DNAH12: variants seen among roughly 807,000 people sequenced by gnomAD.
DNAH12 encodes dynein axonemal heavy chain 12.
A neutral mutation model predicts 371.5 loss-of-function variants in DNAH12; 285 were observed. That is an observed-to-expected ratio of 0.77 (90% CI 0.70 to 0.85). The LOEUF (loss-of-function observed/expected upper bound fraction) is 0.85. Among genes scored for constraint, DNAH12 ranks in the 40% least tolerant of loss-of-function variants. The pLI is 0.00. For missense variants in DNAH12, 3,611 were observed against 3,689.4 expected (o/e 0.98, Z 0.55); for synonymous variants, 1,200 against 1,213.0 (o/e 0.99, Z 0.22).
chr3:57,453,412 TAAAAAA>T lies in DNAH12; in HGVS notation c.3457-15_3457-10del. ...TAATACTTCTTTAATCCCTACAAAATAAAAAAAAAAGCAATCTAATTGATGTCACAT... is the reference window on the plus strand; with the variant it reads ...TAATACTTCTTTAATCCCTACAAAATAAAAGCAATCTAATTGATGTCACAT... On this transcript the variant is annotated splice_polypyrimidine_tract_variant and intron_variant, in intron 23 of 73. Transcript: ENST00000495027. 1 of 1,371,402 alleles carries T rather than the reference TAAAAAA, an allele frequency of 7.3e-7. No individual in the cohort carries two copies. The allele number at this position is 1,371,402 out of a possible 1,614,324, so 85.0% of individuals were successfully genotyped here. A position where few individuals can be genotyped will look rare whatever the true frequency, so the allele number is the denominator to read the frequency against.
At chr3:57,416,476 T>A (rs1374646408) in intron 37 of DNAH12, among the ~76,000 whole-genome samples, 1 of 152,196 alleles carries the variant, frequency 6.6e-6, no homozygotes, top group African/African-American at 2.4e-5. Context: ...CAAGTAATAA[T>A]ATGCTTAACT....
rs1157617974 is a variant in DNAH12, at chr3:57,542,845, A to G, written c.26T>C (p.Ile9Thr). ...GTTCAGAGCTTCCTTTTCTGCTGCA[A>G]TGGCAGCTTTGTTTGCATCTGACAT... MSDANKAA[I>T]AAEKEALNLK... The change falls in exon 2 of 74, where the codon ATT becomes ACT. Residue 9 changes from isoleucine to threonine, a missense_variant. Ile to Thr is a moderately conservative substitution (Grantham distance 89). Coordinates refer to ENST00000495027, the MANE Select transcript of DNAH12 (RefSeq NM_001366028.2). 7 of 1,597,592 alleles carry G rather than the reference A, an allele frequency of 4.4e-6. No homozygotes were observed. Among genetic ancestry groups the G allele is most frequent in the Non-Finnish European group, 6.0e-6 (7 of 1,175,028 alleles).
intron 69 of DNAH12, among the ~76,000 whole-genome samples, chr3:57,302,741 A>G (rs1463464094): frequency 6.7e-6 from 1 of 149,232 alleles, no homozygotes; most frequent in African/African-American, 2.5e-5. Flanking sequence ...ACACCCAGCT[A>G]ATTTCTGTAT....
intron 5 of DNAH12, among the ~76,000 whole-genome samples, chr3:57,510,083 AT>A (rs1053451621): frequency 6.6e-6 from 1 of 151,980 alleles, no homozygotes; most frequent in Non-Finnish European, 1.5e-5. Flanking sequence ...ATTATATACA[AT>A]TTTTATTTGT....
chr3:57,322,264 C>A, intron 65 of DNAH12, 79 bp downstream of exon 65: 4 of 1,347,010 alleles, frequency 3.0e-6, no homozygotes, highest in East Asian at 2.7e-5. Context: ...GTTACAAAAG[C>A]ATTATTAAAC....
rs188715167 is a variant in DNAH12 at position 57,432,472 on chromosome 3, G to A, written c.4980+895C>T. On this transcript the variant is annotated intron_variant, in intron 32 of 73. Transcript: ENST00000495027. ...TGGGATAACAGGCGTGAGCCACCGC[G>A]CCCGGCCTTGAGTGTATCTTTAAAT... 3.1e-3 allele frequency among the ~76,000 whole-genome samples: 466 copies of A among 151,396 alleles called. 14 individuals carry two copies. Among genetic ancestry groups the A allele is most frequent in the Admixed American group, 0.029 (437 of 15,144 alleles).
chr3:57,326,869 G>A (rs375255058), intron 62 of DNAH12, among the ~76,000 whole-genome samples: 2 of 151,818 alleles, frequency 1.3e-5, no homozygotes, highest in Admixed American at 6.6e-5. Context: ...AGGAAGATCT[G>A]CCAAGCAAAT....
At chr3:57,540,842 A>T (rs1272653129) in intron 2 of DNAH12, among the ~76,000 whole-genome samples, 2 of 151,922 alleles carry the variant, frequency 1.3e-5, no homozygotes, top group Admixed American at 1.3e-4. Flanking sequence ...AGATGGGAGG[A>T]TCACGAGAGT....
chr3:57,358,602 G>A (rs2062851897), intron 58 of DNAH12, among the ~76,000 whole-genome samples: 1 of 152,018 alleles, frequency 6.6e-6, no homozygotes, highest in African/African-American at 2.4e-5. Flanking sequence ...AATAAGTTTG[G>A]AATCTCAGTC....
At chr3:57,434,455 A>G (rs2065057815) in intron 30 of DNAH12, among the ~76,000 whole-genome samples, 2 of 152,094 alleles carry the variant, frequency 1.3e-5, no homozygotes, top group South Asian at 4.1e-4. Context: ...CTGGTAACCT[A>G]CTATATATAA....
chr3:57,498,792 G>A (rs2067404058), intron 11 of DNAH12, among the ~76,000 whole-genome samples: 1 of 152,086 alleles, frequency 6.6e-6, no homozygotes, highest in African/African-American at 2.4e-5. Context: ...GAGGTCAGGA[G>A]GTCGAGACCA....
chr3:57,382,988 T>C (rs2063426833), intron 49 of DNAH12, among the ~76,000 whole-genome samples: 1 of 152,196 alleles, frequency 6.6e-6, no homozygotes, highest in African/African-American at 2.4e-5. Flanking sequence ...CCAGATCACT[T>C]GAGTGATACT....
intron 11 of DNAH12, 128 bp downstream of exon 11, chr3:57,501,193 C>T: frequency 2.9e-6 from 2 of 700,964 alleles, no homozygotes; most frequent in Non-Finnish European, 4.7e-6. Context: ...TAAGGTAAGA[C>T]AATGAGTTTT....
In DNAH12 at chr3:57,481,869, T is replaced by C. The variant is rs930073815; in HGVS notation, c.1650+1507A>G. Among the ~76,000 whole-genome samples, 30 of 152,074 alleles carry C rather than the reference T, an allele frequency of 2.0e-4. 1 individual carries two copies. Among genetic ancestry groups the C allele is most frequent in the Non-Finnish European group, 1.5e-5 (1 of 68,018 alleles). On this transcript the variant is annotated intron_variant, in intron 13 of 73. Transcript: ENST00000495027. ...GTGCTGGGAAAACTGGCTAGCCATA[T>C]GTAGCAAGCTGAAACTGGATCCCTT...
rs1175507001 is a variant in DNAH12, at chr3:57,433,837, G to A, written c.4656-9C>T. On this transcript the variant is annotated splice_polypyrimidine_tract_variant and intron_variant, in intron 30 of 73. Coordinates refer to ENST00000495027, the MANE Select transcript of DNAH12 (RefSeq NM_001366028.2). ...CTCCTACTAACATAAAACTATGAAG[G>A]AAAAGAAATAATTATACAATAAGAG... 1.3e-6 allele frequency: 2 copies of A among 1,511,344 alleles called. No individual in the cohort carries two copies. The highest frequency in any genetic ancestry group is 1.4e-5 in the African/African-American group (1 of 71,178). The allele number at this position is 1,511,344 out of a possible 1,614,324, so 93.6% of individuals were successfully genotyped here.
the DNAH12 span, among the ~76,000 whole-genome samples, chr3:57,550,365 T>A: frequency 6.6e-6 from 1 of 152,056 alleles, no homozygotes. Context: ...ATATTAATAA[T>A]AAAACCTTAT....
intron 50 of DNAH12, 30 bp from the exon 51 acceptor site, chr3:57,380,397 A>C (rs1439688310): frequency 3.3e-5 from 5 of 152,220 alleles, no homozygotes; most frequent in African/African-American, 1.2e-4. Flanking sequence ...AAATTTGTTA[A>C]ATTTGCAACT....
At chr3:57,448,391 G>A (rs2065605136) in intron 25 of DNAH12, among the ~76,000 whole-genome samples, 1 of 152,012 alleles carries the variant, frequency 6.6e-6, no homozygotes, top group African/African-American at 2.4e-5. Context: ...GGCTTCAGGA[G>A]AGAAGCTGCA....
intron 38 of DNAH12, 54 bp from the exon 39 acceptor site, chr3:57,413,966 T>G: frequency 6.7e-7 from 1 of 1,499,300 alleles, no homozygotes; most frequent in Non-Finnish European, 9.0e-7. Flanking sequence ...TAGGGATTTA[T>G]CATACTTATA....
Sources: gnomAD v4.1 joint callset for allele counts (sites outside exome capture counted in the v4.1 genomes callset) on GRCh38, gnomAD v4.1.1 for gene constraint, MANE v1.5 for transcripts, NCBI Gene and HGNC (gene_info 2026-07-23, HGNC 2026-07-21) for gene names.